Variants in PRPF3 observed in about 807,000 individuals in gnomAD.
PRPF3 encodes the protein pre-mRNA processing factor 3.
Under a neutral mutation model 89.2 loss-of-function variants are expected in PRPF3, and 3 were observed. The observed-to-expected ratio is 0.03, with a 90% CI of 0.02 to 0.09. PRPF3 has a LOEUF of 0.09. Among genes scored for constraint, PRPF3 ranks in the 10% least tolerant of loss-of-function variants. The pLI, the probability that PRPF3 is intolerant of heterozygous loss-of-function variation, is 1.00. For missense variants in PRPF3, 463 were observed against 828.8 expected, an observed-to-expected ratio of 0.56 and a Z score of 5.42; for synonymous variants, 270 against 289.1, an observed-to-expected ratio of 0.93 and a Z score of 0.67.
At position 150,349,163 on chromosome 1, in the gene PRPF3, A is replaced by G; in HGVS notation, c.1850A>G (p.Glu617Gly). Residue 617 changes from glutamate to glycine, a missense_variant, in exon 15 of 16, where the codon GAG becomes GGG. This residue lies in a region of PRPF3 where 78 missense variants were observed against 96.6 expected (regional missense o/e 0.81). Coordinates refer to ENST00000324862, the MANE Select transcript of PRPF3 (RefSeq NM_004698.4). ...QTSNTKGDDD[E>G]ESDEEAVKKT... ...AACAAGATTTCTCTTCCAGATGATG[A>G]GGAGTCTGATGAGGAAGCTGTGAAG... is the stretch of plus-strand genomic sequence containing the variant. 6.2e-7 allele frequency: 1 copy of G among 1,613,304 alleles called. No individual in the cohort carries two copies. The highest frequency in any genetic ancestry group is 8.5e-7 in the Non-Finnish European group (1 of 1,179,314).
At chr1:150,321,976 C>T (rs1655095768) in intron 1 of PRPF3, among the ~76,000 whole-genome samples, 1 of 152,102 alleles carries the variant, frequency 6.6e-6, no homozygotes, top group Non-Finnish European at 1.5e-5. Context: ...ATTCTGCTGC[C>T]TGCTCATTGA....
Position 150,334,921 on chromosome 1 carries a change from G to A in PRPF3, c.729-14G>A, listed in dbSNP as rs782339389. 3.7e-6 allele frequency: 6 copies of A among 1,613,506 alleles called. No individual in the cohort carries two copies. Among genetic ancestry groups the A allele is most frequent in the South Asian group, 1.1e-5 (1 of 91,044 alleles). On this transcript the variant is annotated splice_polypyrimidine_tract_variant and intron_variant, in intron 6 of 15. Transcript: ENST00000324862. ...TTCCATACAGGATTTATTTCTTTGC[G>A]GGCTATTTTTCAGGAAGGTGGAGTT...
intron 4 of PRPF3, among the ~76,000 whole-genome samples, chr1:150,330,908 G>A (rs902250079): frequency 1.3e-5 from 2 of 150,384 alleles, no homozygotes; most frequent in African/African-American, 2.4e-5. Flanking sequence ...TAGTAGAGAC[G>A]GGGTTTCACC....
At chr1:150,341,236 A>T (rs921955075) in intron 9 of PRPF3, among the ~76,000 whole-genome samples, 41 of 151,980 alleles carry the variant, frequency 2.7e-4, no homozygotes, top group African/African-American at 9.9e-4. Context: ...ATAGAACCAC[A>T]TGTTGTTGTG....
At chr1:150,322,771 A>G (rs1436027668) in intron 1 of PRPF3, among the ~76,000 whole-genome samples, 1 of 152,228 alleles carries the variant, frequency 6.6e-6, no homozygotes, top group African/African-American at 2.4e-5. Context: ...AGATGTCTTA[A>G]AACATCTTGA....
chr1:150,341,711 T>C (rs1657748536), intron 9 of PRPF3, among the ~76,000 whole-genome samples: 1 of 151,010 alleles, frequency 6.6e-6, no homozygotes. Context: ...CGGCCTTTTT[T>C]TTTTTTTTGA....
At chr1:150,332,231 A>G (rs1427389325) in intron 4 of PRPF3, among the ~76,000 whole-genome samples, 1 of 220 alleles carries the variant, frequency 4.5e-3, no homozygotes, top group Admixed American at 0.071. Context: ...CTCAAAAAAA[A>G]AAAAGAAAAT....
chr1:150,343,252 T>A lies in PRPF3; in HGVS notation c.1283-57T>A, dbSNP rs140732761. 9.1e-5 allele frequency: 57 copies of A among 624,528 alleles called. No individual in the cohort carries two copies. The African/African-American group carries it at 1.0e-3, about 11-fold the overall frequency. The allele number at this position is 624,528 out of a possible 1,614,324, so 38.7% of individuals were successfully genotyped here. A position where few individuals can be genotyped will look rare whatever the true frequency, so the allele number is the denominator to read the frequency against. ...GTGAGAGAGAGAAAAAAAAAAAATA[T>A]ATATATATATATATGTATTCTTACT... On this transcript the variant is annotated intron_variant, in intron 9 of 15. Coordinates refer to ENST00000324862, the MANE Select transcript of PRPF3 (RefSeq NM_004698.4).
intron 4 of PRPF3, among the ~76,000 whole-genome samples, chr1:150,331,396 C>T (rs1197442681): frequency 6.6e-6 from 1 of 150,388 alleles, no homozygotes; most frequent in African/African-American, 2.5e-5. Context: ...ATGGAGTCTC[C>T]CCCTGTTGTC....
chr1:150,327,649 A>G (rs950743154), intron 3 of PRPF3: 1 of 985,294 alleles, frequency 1.0e-6, no homozygotes, highest in Non-Finnish European at 1.2e-6. Context: ...AAAGCCTACC[A>G]CCGGTGTGTA....
At chr1:150,339,376 C>CAAAAAAAA (rs111630557) in intron 8 of PRPF3, among the ~76,000 whole-genome samples, 1 of 136,974 alleles carries the variant, frequency 7.3e-6, no homozygotes, top group African/African-American at 2.6e-5. Flanking sequence ...AACTCTGTCT[C>CAAAAAAAA]AAAAAAAAAA....
chr1:150,325,728 A>G (rs1553863566), intron 2 of PRPF3, 23 bp from the exon 3 acceptor site: 3 of 1,609,466 alleles, frequency 1.9e-6, no homozygotes, highest in East Asian at 2.2e-5. Flanking sequence ...TTCCAACCCT[A>G]CCACCGCCTT....
At chr1:150,351,368 TAAAA>T in intron 15 of PRPF3, among the ~76,000 whole-genome samples, 1 of 151,210 alleles carries the variant, frequency 6.6e-6, no homozygotes, top group East Asian at 1.9e-4. Flanking sequence ...AAATAAAAAT[TAAAA>T]AAAAAGGTTT....
chr1:150,343,259 A>G (rs1205717144), intron 9 of PRPF3, 50 bp from the exon 10 acceptor site: 1 of 1,236,938 alleles, frequency 8.1e-7, no homozygotes, highest in Non-Finnish European at 1.1e-6. Flanking sequence ...ATATATATAT[A>G]TATATATGTA....
intron 9 of PRPF3, among the ~76,000 whole-genome samples, chr1:150,340,699 G>C (rs1033944788): frequency 2.6e-5 from 4 of 152,086 alleles, no homozygotes; most frequent in African/African-American, 9.7e-5. Context: ...TCATGAGACA[G>C]CCAAGCATGG....
chr1:150,335,309 A>G (rs587737357), intron 7 of PRPF3, 68 bp downstream of exon 7: 57 of 1,529,728 alleles, frequency 3.7e-5, no homozygotes, highest in Non-Finnish European at 4.8e-5. Context: ...ACATTGTTAA[A>G]TCTCTGTGTT....
At position 150,352,876 on chromosome 1, in the gene PRPF3, A is replaced by C. The variant is rs782751145; in HGVS notation, c.1949A>C (p.Gln650Pro). ...DRSFGEMKFK[Q>P]CPTENMAREH... ...AGCTTTGGAGAGATGAAGTTTAAAC[A>C]GTGTCCTACAGAGAACATGGCTCGT... is the stretch of plus-strand genomic sequence containing the variant. The change falls in exon 16 of 16, where the codon CAG (glutamine) becomes CCG (proline). Residue 650 changes from glutamine to proline, a missense_variant. Physicochemically the swap from Gln to Pro is moderately conservative, Grantham distance 76. Coordinates refer to ENST00000324862, the MANE Select transcript of PRPF3 (RefSeq NM_004698.4). 2 of 1,614,212 alleles carry C rather than the reference A, an allele frequency of 1.2e-6. No homozygotes were observed. The highest frequency in any genetic ancestry group is 1.7e-6 in the Non-Finnish European group (2 of 1,180,030).
At chr1:150,338,126 T>C (rs1657255282) in intron 7 of PRPF3, 34 bp from the exon 8 acceptor site, 5 of 1,605,354 alleles carry the variant, frequency 3.1e-6, no homozygotes, top group African/African-American at 1.3e-5. Flanking sequence ...ATGACTCCAA[T>C]TTATCTTTCT....
At chr1:150,332,427 C>T (rs1253084381) in intron 4 of PRPF3, among the ~76,000 whole-genome samples, 1 of 152,148 alleles carries the variant, frequency 6.6e-6, no homozygotes, top group Non-Finnish European at 1.5e-5. Context: ...ACTCAGGTTT[C>T]TCTGACTCCA....
Sources: allele counts gnomAD v4.1 joint callset (sites outside exome capture counted in the v4.1 genomes callset), GRCh38; gene constraint gnomAD v4.1.1; regional missense constraint gnomAD v4.1.1; transcripts MANE v1.5; gene names NCBI Gene and HGNC (gene_info 2026-07-23, HGNC 2026-07-21).